Variants in OPCML observed in about 807,000 individuals in gnomAD.
The protein encoded by OPCML is opioid-binding protein/cell adhesion molecule.
In OPCML, 13 loss-of-function variants were observed where a neutral mutation model predicts 37.8. The observed-to-expected ratio is 0.34, with a 90% CI of 0.22 to 0.55. The LOEUF (loss-of-function observed/expected upper bound fraction) is 0.55, where lower values mean the gene tolerates loss of function less well. Among genes scored for constraint, OPCML ranks in the 20% least tolerant of loss-of-function variants. OPCML has a pLI of 0.91. For missense variants in OPCML, 341 were observed against 435.6 expected (o/e 0.78, Z 1.93); for synonymous variants, 176 against 168.8 (o/e 1.04, Z -0.33).
Position 133,173,740 on chromosome 11 carries a change from G to GAATGCAT in OPCML, c.62-230737_62-230731dup, listed in dbSNP as rs1950320469. Among the ~76,000 whole-genome samples, 1 of 152,308 alleles carries GAATGCAT rather than the reference G, an allele frequency of 6.6e-6. No individual in the cohort carries two copies. The highest frequency in any genetic ancestry group is 2.1e-4 in the South Asian group (1 of 4,828). On this transcript the variant is annotated intron_variant, in intron 1 of 7. Transcript: ENST00000524381. The surrounding 1 kb of genome is among the most constrained non-coding windows in gnomAD (Gnocchi z 7.8). ...CCTGTGGCAGTTTAAGAATCTCTAA[G>GAATGCAT]AATGCATAAGTAAAGAAAAAATAGA...
At chr11:132,559,340 A>G (rs1290458434) in intron 3 of OPCML, among the ~76,000 whole-genome samples, 1 of 152,152 alleles carries the variant, frequency 6.6e-6, no homozygotes, top group Non-Finnish European at 1.5e-5. Context: ...CAAAAGGGAA[A>G]AGGAGGGGTG....
At chr11:133,496,383 G>T (rs1947787729) in intron 1 of OPCML, among the ~76,000 whole-genome samples, 1 of 152,132 alleles carries the variant, frequency 6.6e-6, no homozygotes, top group Admixed American at 6.5e-5. Flanking sequence ...GGCTATGCAG[G>T]TTATTTTTTG....
At chr11:133,202,299 T>A (rs1437597482) in intron 1 of OPCML, among the ~76,000 whole-genome samples, 1 of 152,180 alleles carries the variant, frequency 6.6e-6, no homozygotes, top group African/African-American at 2.4e-5. Flanking sequence ...CCATCCTCCA[T>A]CATTTTCCCT....
chr11:132,569,067 C>G (rs889489526), intron 3 of OPCML, among the ~76,000 whole-genome samples: 1 of 152,206 alleles, frequency 6.6e-6, no homozygotes, highest in Non-Finnish European at 1.5e-5. Flanking sequence ...GGCAGCGGGG[C>G]AGGTTCGGCA....
Position 132,868,051 on chromosome 11 carries a change from T to C in OPCML, c.146+74875A>G, listed in dbSNP as rs550032305. On this transcript the variant is annotated intron_variant, in intron 2 of 7. Transcript: ENST00000524381. Reference sequence around the variant, plus strand: ...TGCTTTGATATTGTTTTGTGAAAGGTACTCTGAGAGCGTAAAGTGCTTTGC... The same window carrying C: ...TGCTTTGATATTGTTTTGTGAAAGGCACTCTGAGAGCGTAAAGTGCTTTGC... 3.0e-4 allele frequency among the ~76,000 whole-genome samples: 45 copies of C among 152,292 alleles called. 1 individual carries two copies. The South Asian group carries it at 8.9e-3, about 30-fold the overall frequency.
chr11:132,730,235 G>T (rs1223969500), intron 2 of OPCML, among the ~76,000 whole-genome samples: 1 of 151,678 alleles, frequency 6.6e-6, no homozygotes, highest in East Asian at 1.9e-4. Flanking sequence ...GGTGTAACAG[G>T]TACCAAATGC....
At chr11:133,124,583 C>T (rs1266369960) in intron 1 of OPCML, among the ~76,000 whole-genome samples, 4 of 152,100 alleles carry the variant, frequency 2.6e-5, no homozygotes, top group East Asian at 1.9e-4. Context: ...CAAAGGTGTC[C>T]GTTCCAATCA....
intron 1 of OPCML, among the ~76,000 whole-genome samples, chr11:133,522,111 TTAG>T (rs1948408618): frequency 6.6e-6 from 1 of 152,212 alleles, no homozygotes; most frequent in African/African-American, 2.4e-5. Flanking sequence ...GCTCTTTCCC[TTAG>T]TAGCACACAA....
At chr11:133,090,090 G>A (rs555828361) in intron 1 of OPCML, among the ~76,000 whole-genome samples, 35 of 152,182 alleles carry the variant, frequency 2.3e-4, no homozygotes, top group African/African-American at 6.5e-4. Context: ...TCGTTGGCTC[G>A]GTTTTAGCCA....
intron 2 of OPCML, among the ~76,000 whole-genome samples, chr11:132,710,732 G>A (rs1316987514): frequency 6.6e-6 from 1 of 151,910 alleles, no homozygotes; most frequent in Non-Finnish European, 1.5e-5. Flanking sequence ...GTGTGTGCCT[G>A]TAGTTCCAGC....
intron 1 of OPCML, among the ~76,000 whole-genome samples, chr11:133,378,666 C>CTTTCT (rs903294245): frequency 6.6e-6 from 1 of 151,106 alleles, no homozygotes; most frequent in Admixed American, 6.6e-5. Context: ...TCTTTTCTTT[C>CTTTCT]TTTCTTTTCT....
chr11:133,459,494 A>G (rs1946810009), intron 1 of OPCML, among the ~76,000 whole-genome samples: 1 of 152,110 alleles, frequency 6.6e-6, no homozygotes, highest in African/African-American at 2.4e-5. Context: ...ATTAGATTTA[A>G]TATCATCTAT....
intron 1 of OPCML, among the ~76,000 whole-genome samples, chr11:133,036,219 AT>A (rs1269254699): frequency 6.6e-6 from 1 of 152,218 alleles, no homozygotes; most frequent in Admixed American, 6.5e-5. Flanking sequence ...CTTAAGTGCA[AT>A]GGTATCGAGT....
chr11:133,062,588 C>T (rs1277707390), intron 1 of OPCML, among the ~76,000 whole-genome samples: 2 of 151,982 alleles, frequency 1.3e-5, no homozygotes, highest in Admixed American at 6.5e-5. Flanking sequence ...TGCTTAGGTT[C>T]CAACCCTTCA....
intron 2 of OPCML, among the ~76,000 whole-genome samples, chr11:132,846,030 C>A (rs4937734): frequency 0.21 from 32,250 of 152,038 alleles, 3,785 homozygotes; most frequent in African/African-American, 0.29. Flanking sequence ...CACCATCACT[C>A]CTTTACAGTG....
intron 1 of OPCML, among the ~76,000 whole-genome samples, chr11:133,112,311 G>GAAAAAAAAAAAAAA (rs1491223305): frequency 1.3e-5 from 1 of 79,038 alleles, no homozygotes; most frequent in Non-Finnish European, 2.1e-5. Flanking sequence ...AAAAAAAAAA[G>GAAAAAAAAAAAAAA]GGGAAAGAAA....
chr11:132,786,907 C>A (rs535459226), intron 2 of OPCML, among the ~76,000 whole-genome samples: 3 of 152,060 alleles, frequency 2.0e-5, no homozygotes, highest in African/African-American at 7.2e-5. Context: ...TGGGATGGAG[C>A]GTCTGGAGTG....
At chr11:132,939,730 A>T (rs1485681641) in intron 2 of OPCML, among the ~76,000 whole-genome samples, 1 of 152,160 alleles carries the variant, frequency 6.6e-6, no homozygotes. Context: ...AGCTGACCAC[A>T]CTGAACATCC....
intron 1 of OPCML, among the ~76,000 whole-genome samples, chr11:133,168,950 GAAACACTGTCTCTACTAAAAATAC>G (rs1950251250): frequency 6.6e-6 from 1 of 152,090 alleles, no homozygotes; most frequent in South Asian, 2.1e-4. Context: ...CCAATATGGT[GAAACACTGTCTCTACTAAAAATAC>G]AAAAAGCTAG....
Sources: allele counts gnomAD v4.1 joint callset (sites outside exome capture counted in the v4.1 genomes callset), GRCh38; gene constraint gnomAD v4.1.1; non-coding constraint Gnocchi (gnomAD v3.1); transcripts MANE v1.5; gene names NCBI Gene and HGNC (gene_info 2026-07-23, HGNC 2026-07-21).